PATJ: variants seen among roughly 807,000 people sequenced by gnomAD.
The protein encoded by PATJ is PATJ crumbs cell polarity complex component, also known as inaD-like protein.
In PATJ, 190 loss-of-function variants were observed where a neutral mutation model predicts 224.9. That is an observed-to-expected ratio of 0.84 (90% CI 0.75 to 0.95). PATJ has a LOEUF of 0.95. Ranked by LOEUF, PATJ falls within the 40% of genes least tolerant of loss-of-function variation. The probability of loss-of-function intolerance (pLI) is 0.00; values close to 1 mark genes in which losing one functional copy is unlikely to be tolerated. For synonymous variants in PATJ, 769 were observed against 820.3 expected (o/e 0.94, Z 1.07); for missense variants, 2,121 against 2,270.3 (o/e 0.93, Z 1.34).
intron 16 of PATJ, among the ~76,000 whole-genome samples, chr1:61,827,975 G>A (rs572677178): frequency 4.6e-5 from 7 of 152,152 alleles, no homozygotes; most frequent in South Asian, 4.2e-4. Context: ...AGCCGGGCGC[G>A]GTGGCTCACA....
intron 24 of PATJ, among the ~76,000 whole-genome samples, chr1:61,902,936 G>A (rs1406966531): frequency 6.6e-6 from 1 of 152,116 alleles, no homozygotes; most frequent in East Asian, 1.9e-4. Flanking sequence ...AGAAAAACAT[G>A]CAAAAGCTCC....
intron 27 of PATJ, among the ~76,000 whole-genome samples, chr1:61,986,333 CTTATAG>C (rs1466284807): frequency 6.6e-6 from 1 of 152,012 alleles, no homozygotes; most frequent in Admixed American, 6.6e-5. Flanking sequence ...AATGTACCAA[CTTATAG>C]TTTGTGTTGA....
chr1:61,856,739 C>T lies in PATJ; in HGVS notation c.2322+500C>T, dbSNP rs57646206. Among the ~76,000 whole-genome samples, 212 of 152,250 alleles carry T rather than the reference C, an allele frequency of 1.4e-3. 1 individual carries two copies. The highest frequency in any genetic ancestry group is 4.9e-3 in the African/African-American group (204 of 41,548). On this transcript the variant is annotated intron_variant, in intron 18 of 43. Transcript: ENST00000642238. ...AAGTAGCTGGGATTACTAGCATGTGCCACTGTGCCTGGCTACTAATTTTTT... is the reference window on the plus strand; with the variant it reads ...AAGTAGCTGGGATTACTAGCATGTGTCACTGTGCCTGGCTACTAATTTTTT...
Position 61,875,272 on chromosome 1 carries a change from A to C in PATJ, c.2865A>C (p.Leu955=). 6.2e-7 allele frequency: 1 copy of C among 1,603,806 alleles called. No homozygotes were observed. Among genetic ancestry groups the C allele is most frequent in the Non-Finnish European group, 8.5e-7 (1 of 1,172,922 alleles). Residue 955 remains leucine, a synonymous_variant, in exon 21 of 44, where the codon CTA becomes CTC. Transcript: ENST00000642238. ...AAGAAAATTTTGTCATGGAGTCCCTACCATCTGTACCATCAACTGAAGGAA... is the reference window on the plus strand; with the variant it reads ...AAGAAAATTTTGTCATGGAGTCCCTCCCATCTGTACCATCAACTGAAGGAA... ...VMKENFVMES[L]PSVPSTEGNS... is the part of the protein sequence containing the mutation.
At chr1:62,066,246 A>T (rs927452762) in intron 31 of PATJ, among the ~76,000 whole-genome samples, 3 of 152,234 alleles carry the variant, frequency 2.0e-5, no homozygotes, top group Non-Finnish European at 4.4e-5. Context: ...AGATTGGTCT[A>T]TTACTATTCC....
At chr1:61,896,878 T>C (rs1293900214) in intron 22 of PATJ, among the ~76,000 whole-genome samples, 1 of 152,190 alleles carries the variant, frequency 6.6e-6, no homozygotes, top group Non-Finnish European at 1.5e-5. Flanking sequence ...GTAAGTTTCC[T>C]GAAGCTTCCC....
At chr1:62,077,686 CAA>C (rs11439364) in intron 31 of PATJ, among the ~76,000 whole-genome samples, 8 of 89,124 alleles carry the variant, frequency 9.0e-5, no homozygotes, top group Admixed American at 1.2e-4. Flanking sequence ...AGACCCTGTC[CAA>C]AAAAAAAAAA....
intron 17 of PATJ, among the ~76,000 whole-genome samples, chr1:61,851,716 A>G (rs1662833737): frequency 6.6e-6 from 1 of 152,142 alleles, no homozygotes; most frequent in South Asian, 2.1e-4. Context: ...TGGGGGCAAG[A>G]TTAGAGACAG....
At chr1:61,926,983 C>G (rs1476493118) in intron 26 of PATJ, among the ~76,000 whole-genome samples, 5 of 152,076 alleles carry the variant, frequency 3.3e-5, no homozygotes, top group Non-Finnish European at 7.4e-5. Flanking sequence ...CAGCTTGAGT[C>G]TCACCGTTGA....
chr1:61,886,968 G>A (rs999611044), intron 22 of PATJ, among the ~76,000 whole-genome samples: 3 of 151,082 alleles, frequency 2.0e-5, no homozygotes, highest in African/African-American at 4.9e-5. Context: ...GTGACATAGC[G>A]AGACCCTGTC....
chr1:61,911,265 A>T (rs1027133222), intron 25 of PATJ, among the ~76,000 whole-genome samples: 7 of 152,074 alleles, frequency 4.6e-5, no homozygotes, highest in African/African-American at 1.7e-4. Flanking sequence ...CCAGGCTGGA[A>T]TGCAGTGGTG....
At position 61,758,005 on chromosome 1, in the gene PATJ, A is replaced by G. The variant is rs367730480; in HGVS notation, c.-35-4853A>G. 2.6e-5 allele frequency among the ~76,000 whole-genome samples: 4 copies of G among 152,186 alleles called. No homozygotes were observed. In the East Asian group the frequency reaches 7.7e-4, roughly 29 times the overall value. On this transcript the variant is annotated intron_variant, in intron 1 of 43. Coordinates refer to ENST00000642238, the MANE Select transcript of PATJ (RefSeq NM_001350145.3). ...CACATTTTTTTTTCTTACAAACGTG[A>G]AAATAATGCACTCATTCTGAAACTC...
At chr1:61,933,396 T>A (rs1047926796) in intron 27 of PATJ, among the ~76,000 whole-genome samples, 1 of 151,746 alleles carries the variant, frequency 6.6e-6, no homozygotes, top group Non-Finnish European at 1.5e-5. Context: ...AAAAATTAGC[T>A]GGGCGTAGTG....
intron 29 of PATJ, among the ~76,000 whole-genome samples, chr1:62,035,066 G>A (rs772818464): frequency 5.3e-5 from 8 of 152,196 alleles, no homozygotes; most frequent in Non-Finnish European, 1.2e-4. Context: ...TGTTCAATGG[G>A]AGAAATTGAG....
At chr1:61,839,195 A>G (rs1243379201) in intron 17 of PATJ, among the ~76,000 whole-genome samples, 1 of 151,652 alleles carries the variant, frequency 6.6e-6, no homozygotes, top group African/African-American at 2.4e-5. Context: ...TGTGAGTGCT[A>G]TTTCCATGTG....
intron 7 of PATJ, among the ~76,000 whole-genome samples, chr1:61,785,821 A>C (rs1027954554): frequency 6.6e-6 from 1 of 152,188 alleles, no homozygotes; most frequent in African/African-American, 2.4e-5. Context: ...CATATAAAAG[A>C]ATGTATATAA....
At chr1:61,943,230 G>A (rs1275812682) in intron 27 of PATJ, among the ~76,000 whole-genome samples, 1 of 152,206 alleles carries the variant, frequency 6.6e-6, no homozygotes. Flanking sequence ...TTCCAACTGT[G>A]GTACCGGGTT....
chr1:61,837,600 C>T (rs963905939), intron 17 of PATJ, among the ~76,000 whole-genome samples: 1 of 151,994 alleles, frequency 6.6e-6, no homozygotes, highest in Non-Finnish European at 1.5e-5. Flanking sequence ...ACCAGCCTGG[C>T]CAACATGGTG....
rs66470863 is a variant in PATJ at position 61,777,703 on chromosome 1, C to CT, written c.849+2393dup. Reference sequence around the variant, plus strand: ...TTCTTCCTTTTTTCTTTCTTTCTTTCTTTTTTTTTTTTTTTTTTTTTTTTA... The same window carrying CT: ...TTCTTCCTTTTTTCTTTCTTTCTTTCTTTTTTTTTTTTTTTTTTTTTTTTTA... On this transcript the variant is annotated intron_variant, in intron 7 of 43. Coordinates refer to ENST00000642238, the MANE Select transcript of PATJ (RefSeq NM_001350145.3). Among the ~76,000 whole-genome samples, 148 of 48,750 alleles carry CT rather than the reference C, an allele frequency of 3.0e-3. 2 individuals carry two copies. Among genetic ancestry groups the CT allele is most frequent in the African/African-American group, 6.5e-3 (61 of 9,396 alleles). 32.0% of individuals were successfully genotyped at this position (48,750 alleles called of 152,430 possible).
Sources: allele counts gnomAD v4.1 joint callset (sites outside exome capture counted in the v4.1 genomes callset), GRCh38; gene constraint gnomAD v4.1.1; transcripts MANE v1.5; gene names NCBI Gene and HGNC (gene_info 2026-07-23, HGNC 2026-07-21).